Variants in FAM219A observed in about 807,000 individuals in gnomAD.
The protein encoded by FAM219A is family with sequence similarity 219 member A, also known as protein FAM219A.
A neutral mutation model predicts 23.4 loss-of-function variants in FAM219A; 7 were observed. The observed-to-expected ratio is 0.30, with a 90% confidence interval of 0.17 to 0.56. The LOEUF is 0.56. Ranked by LOEUF, FAM219A falls within the 20% of genes least tolerant of loss-of-function variation. The probability of loss-of-function intolerance (pLI) is 0.92; values close to 1 mark genes in which losing one functional copy is unlikely to be tolerated. For missense variants in FAM219A, 166 were observed against 246.9 expected, an observed-to-expected ratio of 0.67 and a Z score of 2.20; for synonymous variants, 93 against 99.0, an observed-to-expected ratio of 0.94 and a Z score of 0.36.
At chr9:34,422,766 A>G (rs1016760575) in intron 1 of FAM219A, among the ~76,000 whole-genome samples, 1 of 152,214 alleles carries the variant, frequency 6.6e-6, no homozygotes, top group African/African-American at 2.4e-5. Flanking sequence ...AGAAGAGGGC[A>G]GTGCAAGAAA....
intron 1 of FAM219A, among the ~76,000 whole-genome samples, chr9:34,432,784 A>G (rs1588058353): frequency 6.6e-6 from 1 of 152,298 alleles, no homozygotes; most frequent in East Asian, 1.9e-4. Flanking sequence ...GTTATTGGCA[A>G]AACACTTTCC....
intron 1 of FAM219A, among the ~76,000 whole-genome samples, chr9:34,430,337 T>C (rs1310732767): frequency 6.6e-6 from 1 of 151,972 alleles, no homozygotes; most frequent in Non-Finnish European, 1.5e-5. Flanking sequence ...GAGACCAGCC[T>C]AGGCAACATG....
At chr9:34,435,813 C>CT (rs34610997) in intron 1 of FAM219A, among the ~76,000 whole-genome samples, 27,274 of 149,026 alleles carry the variant, frequency 0.18, 2,641 homozygotes, top group East Asian at 0.33. Context: ...GTTTAGATTG[C>CT]TTTTTTTTTT....
At chr9:34,409,864 T>C (rs1305243605) in intron 1 of FAM219A, among the ~76,000 whole-genome samples, 2 of 152,212 alleles carry the variant, frequency 1.3e-5, no homozygotes, top group African/African-American at 2.4e-5. Flanking sequence ...GGAGAAAAGG[T>C]TCTATTTTTT....
At chr9:34,431,538 A>G (rs1342732103) in intron 1 of FAM219A, among the ~76,000 whole-genome samples, 1 of 152,162 alleles carries the variant, frequency 6.6e-6, no homozygotes, top group African/African-American at 2.4e-5. Context: ...AAAGAGCACC[A>G]AAACTTAAAA....
rs940732817 is a variant in FAM219A at position 34,400,929 on chromosome 9, C to T, written c.*35G>A. 1.3e-5 allele frequency: 20 copies of T among 1,496,036 alleles called. No homozygotes were observed. Among genetic ancestry groups the T allele is most frequent in the South Asian group, 2.6e-5 (2 of 75,626 alleles). 92.7% of individuals were successfully genotyped at this position (1,496,036 alleles called of 1,614,324 possible). A position where few individuals can be genotyped will look rare whatever the true frequency, so the allele number is the denominator to read the frequency against. ...TCTGCCCGTCCTACCCGGCCCTTGG[C>T]GGCCCCGCCCCGGCGACCGCAGTGG... On this transcript the variant is annotated 3_prime_UTR_variant, in exon 6 of 6. Transcript: ENST00000651358.
intron 4 of FAM219A, among the ~76,000 whole-genome samples, 168 bp from the exon 5 acceptor site, chr9:34,401,888 G>C (rs1482868687): frequency 6.6e-6 from 1 of 151,922 alleles, no homozygotes; most frequent in Non-Finnish European, 1.5e-5. Context: ...TTAAAGACAA[G>C]TTCCCTAGCC....
At chr9:34,433,876 T>C (rs972512986) in intron 1 of FAM219A, among the ~76,000 whole-genome samples, 4 of 152,148 alleles carry the variant, frequency 2.6e-5, no homozygotes, top group Admixed American at 1.3e-4. Context: ...GACTCTCCTC[T>C]GCCCTCCCCG....
intron 1 of FAM219A, among the ~76,000 whole-genome samples, chr9:34,412,634 GA>G (rs1204949854): frequency 6.6e-6 from 1 of 152,086 alleles, no homozygotes; most frequent in East Asian, 1.9e-4. Context: ...GAAGTTCTGG[GA>G]AATATCCAAC....
chr9:34,410,742 C>A (rs1002611533), intron 1 of FAM219A, among the ~76,000 whole-genome samples: 2 of 152,150 alleles, frequency 1.3e-5, no homozygotes, highest in Non-Finnish European at 2.9e-5. Flanking sequence ...ATCCTCCTTG[C>A]CACACAGACT....
chr9:34,433,726 A>G (rs894005930), intron 1 of FAM219A, among the ~76,000 whole-genome samples: 3 of 152,100 alleles, frequency 2.0e-5, no homozygotes, highest in African/African-American at 4.8e-5. Context: ...ATGACTTCCA[A>G]TTTCTATATC....
At chr9:34,436,070 G>T (rs1422877258) in intron 1 of FAM219A, among the ~76,000 whole-genome samples, 2 of 152,060 alleles carry the variant, frequency 1.3e-5, no homozygotes, top group African/African-American at 4.8e-5. Flanking sequence ...CTCCCAATGT[G>T]CTGGGATTAC....
At chr9:34,426,482 C>A (rs536453982) in intron 1 of FAM219A, among the ~76,000 whole-genome samples, 5 of 152,346 alleles carry the variant, frequency 3.3e-5, no homozygotes, top group African/African-American at 1.2e-4. Context: ...CCAGCTCTAG[C>A]TAGCTGCAAA....
At chr9:34,445,532 A>C (rs1205155733) in intron 1 of FAM219A, among the ~76,000 whole-genome samples, 1 of 152,238 alleles carries the variant, frequency 6.6e-6, no homozygotes, top group Non-Finnish European at 1.5e-5. Flanking sequence ...GGAGGCCTCA[A>C]GGTGCCAATA....
At chr9:34,451,529 A>G (rs1823559525) in intron 1 of FAM219A, among the ~76,000 whole-genome samples, 1 of 152,056 alleles carries the variant, frequency 6.6e-6, no homozygotes, top group African/African-American at 2.4e-5. Context: ...TAAATTTCCC[A>G]TGTTCCCTTT....
At position 34,398,253 on chromosome 9, in the gene FAM219A, C is replaced by T; in HGVS notation, c.*2711G>A. 1 of 1,547,964 alleles carries T rather than the reference C, an allele frequency of 6.5e-7. No individual in the cohort carries two copies. Among genetic ancestry groups the T allele is most frequent in the Non-Finnish European group, 8.7e-7 (1 of 1,144,648 alleles). ...ACACAACCAAGGATGATGGTCAATA[C>T]TGCAATGAAAATGTTAAAAAAAATA... On this transcript the variant is annotated 3_prime_UTR_variant, in exon 6 of 6. Coordinates refer to ENST00000651358, the MANE Select transcript of FAM219A (RefSeq NM_001184940.2).
chr9:34,440,999 C>T (rs1273422667), intron 1 of FAM219A, among the ~76,000 whole-genome samples: 2 of 152,060 alleles, frequency 1.3e-5, no homozygotes, highest in Non-Finnish European at 2.9e-5. Context: ...TCTCGAGTAG[C>T]TGGGACTCCA....
chr9:34,420,182 G>C (rs1822210560), intron 1 of FAM219A, among the ~76,000 whole-genome samples: 1 of 152,092 alleles, frequency 6.6e-6, no homozygotes. Flanking sequence ...AAAACACCAA[G>C]CCCTGGTTCT....
rs776329662 is a variant in FAM219A, at chr9:34,402,381, A to T, written c.344+6T>A. The T allele has an allele frequency of 3.1e-6, 5 of 1,613,986 alleles. No individual in the cohort carries two copies. The highest frequency in any genetic ancestry group is 4.2e-6 in the Non-Finnish European group (5 of 1,180,010). On this transcript the variant is annotated splice_donor_region_variant and intron_variant, in intron 4 of 5. Coordinates refer to ENST00000651358, the MANE Select transcript of FAM219A (RefSeq NM_001184940.2). ...TGCCCAGCTACCCCCAAGCCCCCAT[A>T]CACACCTGTCCGTGTCAAGGGCTAC...
Sources: allele counts gnomAD v4.1 joint callset (sites outside exome capture counted in the v4.1 genomes callset), GRCh38; gene constraint gnomAD v4.1.1; transcripts MANE v1.5; gene names NCBI Gene and HGNC (gene_info 2026-07-23, HGNC 2026-07-21).